Variants in MCTP1 observed in about 807,000 individuals in gnomAD.
MCTP1 encodes multiple C2 and transmembrane domain-containing protein 1.
A neutral mutation model predicts 120.6 loss-of-function variants in MCTP1; 69 were observed. That is an observed-to-expected ratio of 0.57 (90% confidence interval 0.47 to 0.70). MCTP1 has a LOEUF of 0.70. MCTP1 is among the 30% of genes least tolerant of loss of function. The pLI, the probability that MCTP1 is intolerant of heterozygous loss-of-function variation, is 0.00. For synonymous variants in MCTP1, 529 were observed against 493.1 expected (o/e 1.07, Z -0.96); for missense variants, 1,203 against 1,248.8 (o/e 0.96, Z 0.55).
intron 19 of MCTP1, among the ~76,000 whole-genome samples, chr5:94,728,780 C>T (rs569158884): frequency 1.3e-5 from 2 of 152,286 alleles, no homozygotes; most frequent in South Asian, 4.1e-4. Flanking sequence ...TTCCCCCGCA[C>T]TGGCTAGAGT....
At chr5:95,079,840 C>G (rs908281880) in intron 1 of MCTP1, among the ~76,000 whole-genome samples, 1 of 151,944 alleles carries the variant, frequency 6.6e-6, no homozygotes, top group Non-Finnish European at 1.5e-5. Flanking sequence ...TCTTCTAAAT[C>G]TTAAGAGTTA....
chr5:95,096,139 G>A (rs532768412), intron 1 of MCTP1, among the ~76,000 whole-genome samples: 5 of 152,294 alleles, frequency 3.3e-5, no homozygotes, highest in Non-Finnish European at 7.3e-5. Flanking sequence ...TTTGAAAAGC[G>A]CACACCAATT....
chr5:95,238,039 C>T (rs1022977865), intron 1 of MCTP1, among the ~76,000 whole-genome samples: 2 of 152,144 alleles, frequency 1.3e-5, no homozygotes, highest in African/African-American at 2.4e-5. Flanking sequence ...TATGAAAGGC[C>T]AACTCATAAA....
chr5:94,873,924 T>C (rs1276989614), intron 12 of MCTP1, among the ~76,000 whole-genome samples: 1 of 151,898 alleles, frequency 6.6e-6, no homozygotes, highest in African/African-American at 2.4e-5. Context: ...GAAATTATCA[T>C]CTGTTTATAA....
intron 1 of MCTP1, among the ~76,000 whole-genome samples, chr5:95,094,498 A>G (rs1268494010): frequency 6.6e-6 from 1 of 152,256 alleles, no homozygotes; most frequent in Non-Finnish European, 1.5e-5. Flanking sequence ...AATTAACAAT[A>G]CTGCTTTTTT....
chr5:94,989,437 G>T (rs365895), intron 2 of MCTP1, among the ~76,000 whole-genome samples: 107,723 of 152,108 alleles, frequency 0.71, 38,702 homozygotes, highest in Admixed American at 0.8. Context: ...AGTCTCACAG[G>T]AAGAGACAAA....
chr5:94,940,577 C>CAT (rs1339780444), intron 4 of MCTP1, among the ~76,000 whole-genome samples: 1 of 97,174 alleles, frequency 1.0e-5, no homozygotes, highest in African/African-American at 5.1e-5. Flanking sequence ...TATATATATA[C>CAT]ATATATATGT....
Position 95,283,907 on chromosome 5 carries a change from A to G in MCTP1, c.669T>C (p.Ser223=). The change falls in exon 1 of 23, where the codon AGT becomes AGC. Residue 223 remains serine (S), a synonymous_variant. Transcript: ENST00000515393. Reference sequence around the variant, plus strand: ...TCTCCGGGGCCCGAGACTCCGCGGGACTCCGCGCCGGCTCTGCGGGAGGAG... The same window carrying G: ...TCTCCGGGGCCCGAGACTCCGCGGGGCTCCGCGCCGGCTCTGCGGGAGGAG... ...PPPPPAEPAR[S]PAESRAPETG... is the part of the protein sequence containing the mutation. 7.2e-7 allele frequency: 1 copy of G among 1,390,136 alleles called. No individual in the cohort carries two copies. The allele number at this position is 1,390,136 out of a possible 1,614,324, so 86.1% of individuals were successfully genotyped here.
intron 17 of MCTP1, among the ~76,000 whole-genome samples, chr5:94,802,060 C>A (rs1176047971): frequency 6.6e-6 from 1 of 152,120 alleles, no homozygotes; most frequent in Non-Finnish European, 1.5e-5. Flanking sequence ...GAGAAAGACA[C>A]AGAAGACAGA....
chr5:94,956,589 G>C (rs1822674808), intron 2 of MCTP1, among the ~76,000 whole-genome samples: 1 of 152,052 alleles, frequency 6.6e-6, no homozygotes, highest in East Asian at 1.9e-4. Flanking sequence ...TGATGGAGCT[G>C]AAAAACACAG....
rs1753976055 is a variant in MCTP1, at chr5:94,703,886, A to G, written c.*3610T>C. The G allele has an allele frequency of 6.6e-6, 1 of 151,242 alleles. No individual in the cohort carries two copies. Among genetic ancestry groups the G allele is most frequent in the Admixed American group, 6.6e-5 (1 of 15,118 alleles). 9.4% of individuals were successfully genotyped at this position (151,242 alleles called of 1,614,324 possible). A position where few individuals can be genotyped will look rare whatever the true frequency, so the allele number is the denominator to read the frequency against. On this transcript the variant is annotated 3_prime_UTR_variant, in exon 23 of 23. Transcript: ENST00000515393. ...ATGAGATTTTTCAATAGTATTTCTC[A>G]AATTTTAGCCATTCAGCTGAAGTAA...
chr5:95,038,765 AC>A (rs1841797049), intron 1 of MCTP1, among the ~76,000 whole-genome samples: 1 of 152,116 alleles, frequency 6.6e-6, no homozygotes, highest in African/African-American at 2.4e-5. Flanking sequence ...TGCTGATAAA[AC>A]CTTTTTAATT....
intron 17 of MCTP1, among the ~76,000 whole-genome samples, chr5:94,818,813 G>A (rs1040290194): frequency 5.9e-5 from 9 of 152,126 alleles, no homozygotes; most frequent in African/African-American, 2.2e-4. Context: ...ATGGTCAGAC[G>A]GAATGACTGG....
intron 2 of MCTP1, among the ~76,000 whole-genome samples, chr5:94,997,228 A>G (rs1187363389): frequency 6.6e-6 from 1 of 152,174 alleles, no homozygotes; most frequent in Admixed American, 6.5e-5. Context: ...CAGAATCAAA[A>G]TCCCTCTAAC....
chr5:95,273,111 A>T (rs1312967922), intron 1 of MCTP1, among the ~76,000 whole-genome samples: 1 of 152,242 alleles, frequency 6.6e-6, no homozygotes, highest in Non-Finnish European at 1.5e-5. Context: ...TTCTGTGGTG[A>T]CCCAGAGCTT....
At chr5:94,872,936 CA>C (rs1190808508) in intron 13 of MCTP1, among the ~76,000 whole-genome samples, 4 of 151,958 alleles carry the variant, frequency 2.6e-5, no homozygotes, top group Non-Finnish European at 1.5e-5. Flanking sequence ...TCTGTGAAAA[CA>C]AAGAAAAATG....
intron 2 of MCTP1, among the ~76,000 whole-genome samples, chr5:94,960,213 C>T (rs1233222852): frequency 6.6e-6 from 1 of 152,028 alleles, no homozygotes. Context: ...AACTGGCTAG[C>T]CATATGAAGA....
chr5:94,749,339 TG>T (rs1449930966), intron 19 of MCTP1, among the ~76,000 whole-genome samples: 2 of 152,122 alleles, frequency 1.3e-5, no homozygotes, highest in Non-Finnish European at 2.9e-5. Flanking sequence ...AACCTACTTT[TG>T]AAGAATGAAA....
chr5:95,037,571 T>TA (rs1841566652), intron 1 of MCTP1, among the ~76,000 whole-genome samples: 1 of 152,088 alleles, frequency 6.6e-6, no homozygotes, highest in Non-Finnish European at 1.5e-5. Flanking sequence ...GACTTAAAAA[T>TA]AAAAAATAAC....
Sources: allele counts gnomAD v4.1 joint callset (sites outside exome capture counted in the v4.1 genomes callset), GRCh38; gene constraint gnomAD v4.1.1; transcripts MANE v1.5; gene names NCBI Gene and HGNC (gene_info 2026-07-23, HGNC 2026-07-21).